The following CCDC85A variants were observed in gnomAD, a reference collection of about 807,000 sequenced individuals.
CCDC85A encodes the protein coiled-coil domain-containing protein 85A.
CCDC85A carries 38 observed loss-of-function variants against 50.2 expected under a neutral mutation model. That is an observed-to-expected ratio of 0.76 (90% CI 0.58 to 0.99). The LOEUF (loss-of-function observed/expected upper bound fraction) is 0.99, where lower values mean the gene tolerates loss of function less well. Ranked by LOEUF, CCDC85A falls within the 50% of genes least tolerant of loss-of-function variation. The probability of loss-of-function intolerance (pLI) is 0.00; values close to 1 mark genes in which losing one functional copy is unlikely to be tolerated. For missense variants in CCDC85A, 820 were observed against 742.0 expected (o/e 1.11, Z -1.22); for synonymous variants, 366 against 301.4 (o/e 1.21, Z -2.22).
intron 2 of CCDC85A, among the ~76,000 whole-genome samples, chr2:56,273,543 A>G (rs1035481238): frequency 8.5e-5 from 13 of 152,116 alleles, no homozygotes; most frequent in Non-Finnish European, 7.4e-5. Flanking sequence ...AAAATGATCA[A>G]TCAAGTATGA....
At chr2:56,216,515 C>T (rs965276255) in intron 2 of CCDC85A, among the ~76,000 whole-genome samples, 1 of 151,588 alleles carries the variant, frequency 6.6e-6, no homozygotes, top group Non-Finnish European at 1.5e-5. Context: ...GAATGTTTAT[C>T]GACATTAATT....
intron 2 of CCDC85A, among the ~76,000 whole-genome samples, chr2:56,204,896 A>C (rs191686228): frequency 1.3e-5 from 2 of 152,204 alleles, no homozygotes; most frequent in East Asian, 3.9e-4. Context: ...GAGTCTGAAC[A>C]CCTCTCGGCA....
In CCDC85A at chr2:56,384,449, T is replaced by G. The variant is rs1558669957; in HGVS notation, c.*94T>G. ...AGAGTGGGTTTCCACAAACCTGGAC[T>G]CATGGAATAACATGGAGTGATTGTA... On this transcript the variant is annotated 3_prime_UTR_variant, in exon 6 of 6. Transcript: ENST00000407595. The G allele has an allele frequency of 5.8e-6, 6 of 1,038,894 alleles. No homozygotes were observed. The highest frequency in any genetic ancestry group is 8.9e-6 in the Non-Finnish European group (6 of 675,320). 64.4% of individuals were successfully genotyped at this position (1,038,894 alleles called of 1,614,324 possible).
intron 2 of CCDC85A, among the ~76,000 whole-genome samples, chr2:56,331,990 T>C (rs1270399138): frequency 1.3e-5 from 2 of 152,094 alleles, no homozygotes; most frequent in Non-Finnish European, 2.9e-5. Context: ...TCTCATTCAG[T>C]GTCGGACACC....
chr2:56,372,320 G>A, intron 3 of CCDC85A, 24 bp from the exon 4 acceptor site: 2 of 1,531,454 alleles, frequency 1.3e-6, no homozygotes, highest in South Asian at 1.2e-5. Context: ...CTGAGTGATT[G>A]TACCATATTG....
intron 2 of CCDC85A, among the ~76,000 whole-genome samples, chr2:56,252,139 C>G (rs778975419): frequency 2.3e-4 from 35 of 151,820 alleles, no homozygotes; most frequent in Non-Finnish European, 4.3e-4. Context: ...CTCTGCCTCC[C>G]AGGTTCAAGC....
At chr2:56,355,445 C>T (rs1573327990) in intron 3 of CCDC85A, among the ~76,000 whole-genome samples, 2 of 152,286 alleles carry the variant, frequency 1.3e-5, no homozygotes, top group South Asian at 4.1e-4. Context: ...TGTCCTCAAA[C>T]TTCATAGTAT....
chr2:56,269,668 A>T lies in CCDC85A; in HGVS notation c.1241-73211A>T, dbSNP rs573465447. Among the ~76,000 whole-genome samples the T allele has an allele frequency of 5.9e-5, 9 of 152,304 alleles. 1 individual carries two copies. Among genetic ancestry groups the T allele is most frequent in the African/African-American group, 2.2e-4 (9 of 41,578 alleles). Reference sequence around the variant, plus strand: ...CATTCAGTTGTCGTAAGTCAAGCATATGCTTTAAAATCCTCTGTTTTTAAT... The same window carrying T: ...CATTCAGTTGTCGTAAGTCAAGCATTTGCTTTAAAATCCTCTGTTTTTAAT... On this transcript the variant is annotated intron_variant, in intron 2 of 5. Coordinates refer to ENST00000407595, the MANE Select transcript of CCDC85A (RefSeq NM_001080433.2).
chr2:56,317,833 A>C (rs1257439782), intron 2 of CCDC85A, among the ~76,000 whole-genome samples: 2 of 152,030 alleles, frequency 1.3e-5, no homozygotes, highest in Non-Finnish European at 2.9e-5. Context: ...CACCACCTCC[A>C]TTCTCAAGTA....
At chr2:56,319,996 G>C (rs571733992) in intron 2 of CCDC85A, among the ~76,000 whole-genome samples, 1 of 152,082 alleles carries the variant, frequency 6.6e-6, no homozygotes, top group Non-Finnish European at 1.5e-5. Context: ...GCTCAAAACC[G>C]CTCAACTACA....
At chr2:56,209,420 C>CTTT (rs11407205) in intron 2 of CCDC85A, among the ~76,000 whole-genome samples, 2,867 of 140,882 alleles carry the variant, frequency 0.02, 54 homozygotes, top group South Asian at 0.047. Flanking sequence ...AAGTCTGTTC[C>CTTT]TTTTTTTTTT....
intron 2 of CCDC85A, among the ~76,000 whole-genome samples, chr2:56,247,132 A>G (rs1310934527): frequency 6.6e-6 from 1 of 152,294 alleles, no homozygotes; most frequent in Non-Finnish European, 1.5e-5. Flanking sequence ...AGGAACCAAG[A>G]CTGTCCTGGA....
At chr2:56,197,927 A>G (rs578042274) in intron 2 of CCDC85A, among the ~76,000 whole-genome samples, 12 of 152,370 alleles carry the variant, frequency 7.9e-5, no homozygotes, top group South Asian at 2.1e-4. Flanking sequence ...AAAGAAGCAC[A>G]TGAGTTTCTA....
At chr2:56,224,736 T>G (rs959296219) in intron 2 of CCDC85A, among the ~76,000 whole-genome samples, 1 of 152,202 alleles carries the variant, frequency 6.6e-6, no homozygotes, top group Non-Finnish European at 1.5e-5. Context: ...TGTTATTGAT[T>G]GTATATTCTT....
At chr2:56,341,500 C>T (rs556719898) in intron 2 of CCDC85A, among the ~76,000 whole-genome samples, 7 of 152,278 alleles carry the variant, frequency 4.6e-5, no homozygotes, top group African/African-American at 1.4e-4. Context: ...GTGTACCTTT[C>T]ACTGCACCTG....
Position 56,371,995 on chromosome 2 carries a change from A to G in CCDC85A, c.1318-349A>G, listed in dbSNP as rs546486829. 2.0e-5 allele frequency among the ~76,000 whole-genome samples: 3 copies of G among 152,300 alleles called. No homozygotes were observed. In the South Asian group the frequency reaches 6.2e-4, roughly 32 times the overall value. ...CTGAAGTTATGTAGTTTATTTCTGT[A>G]TAATATCCAGGTAAAGCATATTATT... is the stretch of plus-strand genomic sequence containing the variant. On this transcript the variant is annotated intron_variant, in intron 3 of 5. Transcript: ENST00000407595.
intron 2 of CCDC85A, among the ~76,000 whole-genome samples, chr2:56,239,007 G>A (rs1669142682): frequency 6.6e-6 from 1 of 152,106 alleles, no homozygotes; most frequent in Admixed American, 6.6e-5. Context: ...ATAAAGGATT[G>A]TTATAATTAA....
At chr2:56,233,659 C>T (rs72919079) in intron 2 of CCDC85A, among the ~76,000 whole-genome samples, 5,812 of 152,060 alleles carry the variant, frequency 0.038, 345 homozygotes, top group African/African-American at 0.13. Flanking sequence ...AAACAAGCAA[C>T]AGGTTGGATT....
At chr2:56,346,455 T>G (rs1674636131) in intron 3 of CCDC85A, among the ~76,000 whole-genome samples, 1 of 152,142 alleles carries the variant, frequency 6.6e-6, no homozygotes, top group Non-Finnish European at 1.5e-5. Flanking sequence ...TTTTATCCAG[T>G]GGTGAAGAGG....
Sources: gnomAD v4.1 joint callset for allele counts (sites outside exome capture counted in the v4.1 genomes callset) on GRCh38, gnomAD v4.1.1 for gene constraint, MANE v1.5 for transcripts, NCBI Gene and HGNC (gene_info 2026-07-23, HGNC 2026-07-21) for gene names.